Variants in ENTREP2 observed in about 807,000 individuals in gnomAD.
ENTREP2 encodes the protein endosomal transmembrane epsin interactor 2.
chr15:29,352,891 T>C, the ENTREP2 span, among the ~76,000 whole-genome samples: 10 of 152,336 alleles, frequency 6.6e-5, no homozygotes, highest in East Asian at 1.9e-3. Context: ...TCACCCCTCA[T>C]CATTCGACAG....
chr15:29,626,866 T>C, the ENTREP2 span, among the ~76,000 whole-genome samples: 1 of 152,104 alleles, frequency 6.6e-6, no homozygotes, highest in Non-Finnish European at 1.5e-5. Context: ...CATAAAATGA[T>C]AAAGACAAAT....
At chr15:29,272,478 G>C in the ENTREP2 span, among the ~76,000 whole-genome samples, 16 of 100,338 alleles carry the variant, frequency 1.6e-4, no homozygotes, top group African/African-American at 9.6e-4. Context: ...CACTATATTT[G>C]TTCTACTTTA....
chr15:29,526,004 G>A, the ENTREP2 span, among the ~76,000 whole-genome samples: 3 of 152,156 alleles, frequency 2.0e-5, no homozygotes, highest in East Asian at 5.8e-4. Flanking sequence ...TTTCAAGAAT[G>A]AGCTAATCAA....
At chr15:29,159,875 G>C in the ENTREP2 span, among the ~76,000 whole-genome samples, 25 of 152,266 alleles carry the variant, frequency 1.6e-4, no homozygotes, top group Admixed American at 1.6e-3. Context: ...GCTTCACCCG[G>C]TGGATCCCGC....
At chr15:29,673,990 GGAGAAACCA>G in the ENTREP2 span, among the ~76,000 whole-genome samples, 1 of 152,180 alleles carries the variant, frequency 6.6e-6, no homozygotes, top group South Asian at 2.1e-4. Flanking sequence ...CAGGAAATCT[GGAGAAACCA>G]GAGTGTGTGG....
the ENTREP2 span, among the ~76,000 whole-genome samples, chr15:29,491,756 A>T: frequency 6.6e-6 from 1 of 152,212 alleles, no homozygotes; most frequent in South Asian, 2.1e-4. Flanking sequence ...CATAGGGGAA[A>T]TTATTTACCT....
chr15:29,132,083 C>T, the ENTREP2 span, among the ~76,000 whole-genome samples: 4 of 152,124 alleles, frequency 2.6e-5, no homozygotes, highest in East Asian at 1.9e-4. Context: ...AGCTCCTCCC[C>T]GACAGAGCCC....
At chr15:29,136,527 T>C in the ENTREP2 span, 2 of 1,544,266 alleles carry the variant, frequency 1.3e-6, no homozygotes, top group South Asian at 1.2e-5. Context: ...CATCACATCG[T>C]CATTGCCCGA....
At chr15:29,269,150 T>G in the ENTREP2 span, 1 of 1,614,148 alleles carries the variant, frequency 6.2e-7, no homozygotes, top group Non-Finnish European at 8.5e-7. Flanking sequence ...TTCATAAAGA[T>G]GAGCCCTAAG....
the ENTREP2 span, among the ~76,000 whole-genome samples, chr15:29,161,605 C>T: frequency 6.6e-6 from 1 of 152,166 alleles, no homozygotes; most frequent in Admixed American, 6.5e-5. Flanking sequence ...AGAGCAGAGA[C>T]CAAGTCTTTT....
the ENTREP2 span, among the ~76,000 whole-genome samples, chr15:29,382,797 G>A: frequency 2.0e-5 from 3 of 152,104 alleles, no homozygotes; most frequent in Non-Finnish European, 2.9e-5. Context: ...ATTTCCTGGT[G>A]TCCAGGAAGG....
chr15:29,209,055 G>A, the ENTREP2 span, among the ~76,000 whole-genome samples: 1 of 152,190 alleles, frequency 6.6e-6, no homozygotes, highest in Non-Finnish European at 1.5e-5. Flanking sequence ...GAGGGGCGGG[G>A]CTCCCGGGGA....
chr15:29,612,253 A>T, the ENTREP2 span, among the ~76,000 whole-genome samples: 1 of 151,914 alleles, frequency 6.6e-6, no homozygotes, highest in South Asian at 2.1e-4. Flanking sequence ...TGCTATAAGG[A>T]TGTTTTGTGG....
At chr15:29,530,541 T>C in the ENTREP2 span, among the ~76,000 whole-genome samples, 5 of 152,270 alleles carry the variant, frequency 3.3e-5, no homozygotes, top group East Asian at 9.7e-4. Flanking sequence ...TGTCTGGAAC[T>C]CTACCAAGAG....
chr15:29,440,079 T>A, the ENTREP2 span, among the ~76,000 whole-genome samples: 1 of 152,058 alleles, frequency 6.6e-6, no homozygotes, highest in South Asian at 2.1e-4. Flanking sequence ...GTCAAGGTCA[T>A]GAAAAACAAG....
At chr15:29,434,658 G>C in the ENTREP2 span, among the ~76,000 whole-genome samples, 1 of 152,076 alleles carries the variant, frequency 6.6e-6, no homozygotes, top group Non-Finnish European at 1.5e-5. Flanking sequence ...TACATACATA[G>C]AGCACACATG....
the ENTREP2 span, among the ~76,000 whole-genome samples, chr15:29,345,431 A>G: frequency 2.0e-5 from 3 of 151,992 alleles, no homozygotes; most frequent in Non-Finnish European, 4.4e-5. Context: ...ATGCTGGGCA[A>G]GCACACCCCA....
chr15:29,160,478 AAGGTCAGATCATCTG>A, the ENTREP2 span, among the ~76,000 whole-genome samples: 2 of 152,022 alleles, frequency 1.3e-5, no homozygotes, highest in Non-Finnish European at 2.9e-5. Context: ...TTTGGAGGCT[AAGGTCAGATCATCTG>A]AGGTCAGGAG....
At chr15:29,193,010 C>T in the ENTREP2 span, among the ~76,000 whole-genome samples, 100 of 152,266 alleles carry the variant, frequency 6.6e-4, 1 homozygote, top group African/African-American at 2.3e-3. Flanking sequence ...AAAAACTTAG[C>T]GCTAACATTA....
Sources: gnomAD v4.1 joint callset for allele counts (sites outside exome capture counted in the v4.1 genomes callset) on GRCh38, gnomAD v4.1.1 for gene constraint, MANE v1.5 for transcripts, NCBI Gene and HGNC (gene_info 2026-07-23, HGNC 2026-07-21) for gene names.